IRGM: variants seen among roughly 807,000 people sequenced by gnomAD.
IRGM encodes the protein immunity-related GTPase family M protein.
For synonymous variants in IRGM, 98 were observed against 80.6 expected (o/e 1.22, Z -1.16); for missense variants, 288 against 219.9 (o/e 1.31, Z -1.96).
chr5:150,856,401 A>AG (rs550599480), intron 1 of IRGM, among the ~76,000 whole-genome samples: 247 of 152,340 alleles, frequency 1.6e-3, no homozygotes, highest in Non-Finnish European at 2.8e-3. Flanking sequence ...ACTGCACTCC[A>AG]GCCTGGGCAA....
intron 1 of IRGM, among the ~76,000 whole-genome samples, chr5:150,865,504 A>C (rs191271108): frequency 2.0e-5 from 3 of 152,336 alleles, no homozygotes; most frequent in Admixed American, 2.0e-4. Context: ...GAAATCTTGA[A>C]ACAGAAAGGA....
downstream of IRGM, among the ~76,000 whole-genome samples, chr5:150,900,968 C>T (rs1259013966): frequency 6.6e-6 from 1 of 152,000 alleles, no homozygotes; most frequent in Non-Finnish European, 1.5e-5. Flanking sequence ...AAAAATTATA[C>T]TTTTGTCAAC....
chr5:150,851,365 A>G (rs558887985), downstream of IRGM, among the ~76,000 whole-genome samples: 16 of 152,334 alleles, frequency 1.1e-4, no homozygotes, highest in African/African-American at 3.6e-4. Context: ...AAAGAATCAT[A>G]GACCCAAGTG....
exon 2 of IRGM, chr5:150,878,063 A>G (rs1380559764): frequency 2.2e-6 from 1 of 462,628 alleles, no homozygotes; most frequent in Admixed American, 2.3e-5. Flanking sequence ...AAGCAAGACA[A>G]AGAAATACAG....
rs4410633 is a variant in IRGM at position 150,859,842 on chromosome 5, C to T, written c.158+11188C>T. ...TTTTCTTCTTTATTAGTCTTGCTAG[C>T]GGTCTATCAATTTTGTTGATCTTTT... On this transcript the variant is annotated intron_variant and NMD_transcript_variant, in intron 1 of 3. Coordinates refer to the IRGM transcript ENST00000520549. Among the ~76,000 whole-genome samples the T allele has an allele frequency of 8.5e-3, 1,296 of 152,032 alleles. 12 individuals carry two copies. Among genetic ancestry groups the T allele is most frequent in the African/African-American group, 0.03 (1,235 of 41,438 alleles).
intron 3 of IRGM, among the ~76,000 whole-genome samples, chr5:150,883,051 A>G (rs556226822): frequency 6.3e-4 from 96 of 152,172 alleles, no homozygotes; most frequent in Non-Finnish European, 1.1e-3. Flanking sequence ...CTAGAAATCA[A>G]TAACAGAAGG....
chr5:150,863,345 G>T (rs1227873798), intron 1 of IRGM, among the ~76,000 whole-genome samples: 1 of 152,188 alleles, frequency 6.6e-6, no homozygotes, highest in Non-Finnish European at 1.5e-5. Flanking sequence ...TCAAAAAGGT[G>T]CTTGTTTTAA....
intron 1 of IRGM, among the ~76,000 whole-genome samples, chr5:150,866,349 G>A (rs1470710895): frequency 6.6e-6 from 1 of 152,172 alleles, no homozygotes; most frequent in Non-Finnish European, 1.5e-5. Flanking sequence ...AGAGAAAGAA[G>A]AAAAACTGCT....
chr5:150,884,053 G>GT (rs1026325725), intron 3 of IRGM, among the ~76,000 whole-genome samples: 1 of 151,864 alleles, frequency 6.6e-6, no homozygotes, highest in African/African-American at 2.4e-5. Flanking sequence ...ATCAAGTGGA[G>GT]TTTATTCCAG....
intron 3 of IRGM, among the ~76,000 whole-genome samples, chr5:150,892,113 C>G (rs1188472172): frequency 3.3e-5 from 5 of 152,024 alleles, no homozygotes; most frequent in Non-Finnish European, 7.4e-5. Context: ...AATAAACTAT[C>G]TCACTGTCAG....
chr5:150,849,070 CG>C (rs1217400483), downstream of IRGM, among the ~76,000 whole-genome samples: 3 of 151,278 alleles, frequency 2.0e-5, no homozygotes, highest in African/African-American at 7.3e-5. Flanking sequence ...AAGTAATGGT[CG>C]GGAGGAGCCC....
In IRGM at chr5:150,860,863, T is replaced by C. The variant is rs1754126607; in HGVS notation, c.158+12209T>C. Among the ~76,000 whole-genome samples, 3 of 152,208 alleles carry C rather than the reference T, an allele frequency of 2.0e-5. No individual in the cohort carries two copies. The South Asian group carries it at 6.2e-4, about 31-fold the overall frequency. On this transcript the variant is annotated intron_variant and NMD_transcript_variant, in intron 1 of 3. Transcript: ENST00000520549. ...CTCCCTCTCTGTATCTCCTGTGAAC[T>C]AATTGTGAGATCTAGGAAACTGATT...
chr5:150,899,998 A>G (rs1195183352), intron 3 of IRGM, among the ~76,000 whole-genome samples: 1 of 151,992 alleles, frequency 6.6e-6, no homozygotes, highest in East Asian at 1.9e-4. Flanking sequence ...CTCATCCCAC[A>G]CCAATTCCAT....
At chr5:150,858,521 T>C (rs1055604467) in intron 1 of IRGM, among the ~76,000 whole-genome samples, 1 of 152,214 alleles carries the variant, frequency 6.6e-6, no homozygotes, top group Non-Finnish European at 1.5e-5. Context: ...TTGGGCAGTA[T>C]GGCCATTTTC....
chr5:150,858,102 A>G (rs1374540652), intron 1 of IRGM, among the ~76,000 whole-genome samples: 1 of 151,684 alleles, frequency 6.6e-6, no homozygotes, highest in Non-Finnish European at 1.5e-5. Context: ...TAATTTTTGT[A>G]TAAGGTGTAA....
intron 1 of IRGM, among the ~76,000 whole-genome samples, chr5:150,873,317 T>A (rs575843781): frequency 1.3e-5 from 2 of 152,280 alleles, no homozygotes; most frequent in African/African-American, 4.8e-5. Flanking sequence ...CCTCAATCAA[T>A]TTCCAGACTT....
chr5:150,895,954 T>G, intron 3 of IRGM: 1 of 1,613,498 alleles, frequency 6.2e-7, no homozygotes, highest in Non-Finnish European at 8.5e-7. Context: ...GTGTGAATTC[T>G]TTTATGTATA....
At chr5:150,877,588 G>A (rs1754382969) in intron 1 of IRGM, among the ~76,000 whole-genome samples, 1 of 152,012 alleles carries the variant, frequency 6.6e-6, no homozygotes, top group Non-Finnish European at 1.5e-5. Context: ...TGTCCCTCTA[G>A]AGAACCCTAA....
intron 3 of IRGM, among the ~76,000 whole-genome samples, chr5:150,885,730 G>A (rs1455023895): frequency 2.6e-5 from 4 of 152,066 alleles, no homozygotes; most frequent in Non-Finnish European, 5.9e-5. Flanking sequence ...TGTTGTTGGT[G>A]TATAGGAATG....
Sources: gnomAD v4.1 joint callset for allele counts (sites outside exome capture counted in the v4.1 genomes callset) on GRCh38, gnomAD v4.1.1 for gene constraint, MANE v1.5 for transcripts, NCBI Gene and HGNC (gene_info 2026-07-23, HGNC 2026-07-21) for gene names.